ADH7: variants seen among roughly 807,000 people sequenced by gnomAD.
ADH7 encodes alcohol dehydrogenase 7 (class IV), mu or sigma polypeptide, also known as all-trans-retinol dehydrogenase [NAD(+)] ADH7.
In ADH7, 41 loss-of-function variants were observed where a neutral mutation model predicts 34.4. The observed-to-expected ratio is 1.19, with a 90% CI of 0.93 to 1.55. The LOEUF (loss-of-function observed/expected upper bound fraction) is 1.55. Ranked by LOEUF, ADH7 falls within the 40% of genes most tolerant of loss-of-function variation. The pLI, the probability that ADH7 is intolerant of heterozygous loss-of-function variation, is 0.00. For missense variants in ADH7, 540 were observed against 461.2 expected, an observed-to-expected ratio of 1.17 and a Z score of -1.56; for synonymous variants, 180 against 160.9, an observed-to-expected ratio of 1.12 and a Z score of -0.90.
In ADH7 at chr4:99,427,794, G is replaced by T; in HGVS notation, c.543C>A (p.Gly181=). Residue 181 remains glycine (G), a synonymous_variant, in exon 5 of 9, where the codon GGC becomes GGA. Transcript: ENST00000437033. The part of the protein sequence containing the change: ...LIGCGFSTGY[G]AAVKTGKVKP... Reference sequence around the variant, plus strand: ...TTACCTTGCCAGTTTTAACAGCAGCGCCATATCCAGTGGAAAACCCACAGC... The same window carrying T: ...TTACCTTGCCAGTTTTAACAGCAGCTCCATATCCAGTGGAAAACCCACAGC... 1.3e-6 allele frequency: 2 copies of T among 1,586,076 alleles called. No individual in the cohort carries two copies. The highest frequency in any genetic ancestry group is 1.3e-5 in the African/African-American group (1 of 74,450).
intron 5 of ADH7, among the ~76,000 whole-genome samples, chr4:99,421,757 C>T (rs1284843085): frequency 1.3e-5 from 2 of 151,938 alleles, no homozygotes; most frequent in African/African-American, 4.8e-5. Context: ...ACTCATCTGA[C>T]AAAGGTCTAA....
At chr4:99,433,595 T>C (rs1402414104) in intron 1 of ADH7, among the ~76,000 whole-genome samples, 1 of 152,136 alleles carries the variant, frequency 6.6e-6, no homozygotes, top group Non-Finnish European at 1.5e-5. Context: ...ATGGGGTCTT[T>C]CAAGAAGTAA....
At chr4:99,434,202 G>T (rs1721998370) in intron 1 of ADH7, among the ~76,000 whole-genome samples, 2 of 152,094 alleles carry the variant, frequency 1.3e-5, no homozygotes, top group South Asian at 2.1e-4. Flanking sequence ...CTGTTGGGTG[G>T]TAAAAGTTGC....
At chr4:99,435,141 A>G in intron 1 of ADH7, 75 bp downstream of exon 1, 1 of 1,574,058 alleles carries the variant, frequency 6.4e-7, no homozygotes, top group Non-Finnish European at 8.6e-7. Flanking sequence ...AATTACTTTA[A>G]TGGATTCAAA....
intron 7 of ADH7, among the ~76,000 whole-genome samples, chr4:99,416,826 A>AC (rs751153947): frequency 3.9e-5 from 6 of 152,220 alleles, no homozygotes; most frequent in Admixed American, 1.3e-4. Flanking sequence ...CACAAGTGTA[A>AC]CCTGCCCCAA....
At chr4:99,424,563 G>A (rs981787529) in intron 5 of ADH7, among the ~76,000 whole-genome samples, 16 of 152,116 alleles carry the variant, frequency 1.1e-4, no homozygotes, top group Non-Finnish European at 1.9e-4. Flanking sequence ...CTTGAGCAGT[G>A]GTTTGTAGTT....
At chr4:99,423,822 A>C (rs1203346617) in intron 5 of ADH7, among the ~76,000 whole-genome samples, 1 of 151,976 alleles carries the variant, frequency 6.6e-6, no homozygotes, top group South Asian at 2.1e-4. Flanking sequence ...CCCCCATTTT[A>C]TAGGTTGTCT....
chr4:99,417,579 T>C (rs1329517471), intron 7 of ADH7, among the ~76,000 whole-genome samples: 1 of 152,138 alleles, frequency 6.6e-6, no homozygotes, highest in African/African-American at 2.4e-5. Flanking sequence ...CTTGTAACCT[T>C]ATGGTATATT....
chr4:99,426,277 G>A (rs1037810255), intron 5 of ADH7, among the ~76,000 whole-genome samples: 21 of 152,014 alleles, frequency 1.4e-4, no homozygotes, highest in Admixed American at 3.3e-4. Context: ...TGGAGCTGGT[G>A]TTTTGAAAGG....
At chr4:99,417,591 T>C (rs1054152817) in intron 7 of ADH7, among the ~76,000 whole-genome samples, 12 of 152,194 alleles carry the variant, frequency 7.9e-5, no homozygotes, top group African/African-American at 2.9e-4. Context: ...TGGTATATTC[T>C]GCATTCATTT....
chr4:99,427,339 T>C (rs967181358), intron 5 of ADH7, among the ~76,000 whole-genome samples: 2 of 152,322 alleles, frequency 1.3e-5, no homozygotes, highest in Admixed American at 6.5e-5. Context: ...TCTGACAAAA[T>C]TGTACTTTTT....
At chr4:99,417,991 T>C (rs1303866634) in intron 7 of ADH7, among the ~76,000 whole-genome samples, 1 of 152,224 alleles carries the variant, frequency 6.6e-6, no homozygotes, top group East Asian at 1.9e-4. Context: ...TGTTCTCCCA[T>C]GGACCAGCTT....
chr4:99,428,273 A>C (rs944904298), intron 3 of ADH7, 99 bp from the exon 4 acceptor site: 3 of 1,328,404 alleles, frequency 2.3e-6, no homozygotes, highest in Non-Finnish European at 3.2e-6. Context: ...AAAACTTTTA[A>C]AAATATATTC....
At chr4:99,416,968 T>C (rs1296567476) in intron 7 of ADH7, among the ~76,000 whole-genome samples, 1 of 152,186 alleles carries the variant, frequency 6.6e-6, no homozygotes, top group East Asian at 1.9e-4. Context: ...CTACTCTTTT[T>C]GCCATACAAT....
chr4:99,414,208 C>G (rs781573308), intron 8 of ADH7, among the ~76,000 whole-genome samples: 10 of 152,008 alleles, frequency 6.6e-5, no homozygotes, highest in African/African-American at 9.7e-5. Context: ...GACAGTTTTT[C>G]TTACAAAATC....
At chr4:99,422,430 A>G (rs932175256) in intron 5 of ADH7, among the ~76,000 whole-genome samples, 1 of 152,140 alleles carries the variant, frequency 6.6e-6, no homozygotes, top group African/African-American at 2.4e-5. Context: ...ACATGTTCTC[A>G]CTCATAAGTG....
intron 6 of ADH7, 84 bp from the exon 7 acceptor site, chr4:99,419,205 C>G (rs1005710798): frequency 4.9e-6 from 7 of 1,424,190 alleles, no homozygotes; most frequent in Non-Finnish European, 6.5e-6. Context: ...TGTACTATGA[C>G]AAAGTCATGA....
chr4:99,413,256 GTCATAGAAACT>G, intron 8 of ADH7, 84 bp from the exon 9 acceptor site: 2 of 1,443,092 alleles, frequency 1.4e-6, no homozygotes, highest in Non-Finnish European at 1.9e-6. Context: ...CTTTCTATCT[GTCATAGAAACT>G]TCAAGTAAAT....
intron 6 of ADH7, 56 bp from the exon 7 acceptor site, chr4:99,419,177 A>G (rs1221686740): frequency 3.2e-6 from 5 of 1,574,764 alleles, no homozygotes; most frequent in Non-Finnish European, 4.3e-6. Flanking sequence ...AGTGTGACAT[A>G]AGCTCTGAAA....
Sources: allele counts gnomAD v4.1 joint callset (sites outside exome capture counted in the v4.1 genomes callset), GRCh38; gene constraint gnomAD v4.1.1; transcripts MANE v1.5; gene names NCBI Gene and HGNC (gene_info 2026-07-23, HGNC 2026-07-21).